FOSL2: variants seen among roughly 807,000 people sequenced by gnomAD.
FOSL2 encodes the protein FOS like 2, AP-1 transcription factor subunit.
A neutral mutation model predicts 27.7 loss-of-function variants in FOSL2; 3 were observed. That is an observed-to-expected ratio of 0.11 (90% CI 0.05 to 0.28). The LOEUF (loss-of-function observed/expected upper bound fraction) is 0.28. Among genes scored for constraint, FOSL2 ranks in the 10% least tolerant of loss-of-function variants. The probability of loss-of-function intolerance (pLI) is 1.00; values close to 1 mark genes in which losing one functional copy is unlikely to be tolerated. For synonymous variants in FOSL2, 179 were observed against 190.1 expected (o/e 0.94, Z 0.48); for missense variants, 333 against 445.1 (o/e 0.75, Z 2.27).
intron 1 of FOSL2, chr2:28,395,422 G>A (rs1250907477): frequency 6.6e-6 from 1 of 152,174 alleles, no homozygotes; most frequent in Non-Finnish European, 1.5e-5. Context: ...CTCACTGCCT[G>A]GTTTAGCATA....
rs1207121979 is a variant in FOSL2 at position 28,397,675 on chromosome 2, TAATACA to T, written c.102+3856_102+3861del. Among the ~76,000 whole-genome samples, 32 of 152,342 alleles carry T rather than the reference TAATACA, an allele frequency of 2.1e-4. No homozygotes were observed. In the East Asian group the frequency reaches 5.8e-3, roughly 27 times the overall value. Reference sequence around the variant, plus strand: ...GAGACTTGTTTTTTCTTCTCTATCTTAATACAAACACAGCAGAACTTATTCATCCTT... The same window carrying T: ...GAGACTTGTTTTTTCTTCTCTATCTTAACACAGCAGAACTTATTCATCCTT... On this transcript the variant is annotated intron_variant, in intron 1 of 3. Coordinates refer to ENST00000264716, the MANE Select transcript of FOSL2 (RefSeq NM_005253.4).
intron 2 of FOSL2, among the ~76,000 whole-genome samples, chr2:28,407,798 A>T (rs757773617): frequency 2.0e-5 from 3 of 152,146 alleles, no homozygotes; most frequent in Non-Finnish European, 4.4e-5. Flanking sequence ...TGCCTGAGAG[A>T]GGCATTGGGG....
chr2:28,396,803 C>CACACACACACACACACACACAA (rs1558564578), intron 1 of FOSL2: 13 of 147,368 alleles, frequency 8.8e-5, no homozygotes, highest in African/African-American at 3.0e-4. Flanking sequence ...CACACACACA[C>CACACACACACACACACACACAA]ACACACACAC....
At chr2:28,405,761 T>G (rs1413798191) in intron 2 of FOSL2, among the ~76,000 whole-genome samples, 1 of 152,204 alleles carries the variant, frequency 6.6e-6, no homozygotes, top group African/African-American at 2.4e-5. Context: ...CTATAATGGA[T>G]TCACAGCTGC....
intron 1 of FOSL2, chr2:28,396,807 C>CACACACACACACACACACAA (rs1553376542): frequency 6.0e-5 from 9 of 149,496 alleles, no homozygotes; most frequent in African/African-American, 2.3e-4. Context: ...CACACACACA[C>CACACACACACACACACACAA]ACACACACAC....
In FOSL2 at chr2:28,393,424, G is replaced by A. The variant is rs954666300; in HGVS notation, c.-297G>A. The A allele has an allele frequency of 1.9e-5, 7 of 374,076 alleles. No individual in the cohort carries two copies. The highest frequency in any genetic ancestry group is 1.1e-4 in the African/African-American group (5 of 45,958). The allele number at this position is 374,076 out of a possible 1,614,324, so 23.2% of individuals were successfully genotyped here. On this transcript the variant is annotated 5_prime_UTR_variant, in exon 1 of 4. Transcript: ENST00000264716. The surrounding 1 kb of genome is among the most constrained non-coding windows in gnomAD (Gnocchi z 4.6). Reference sequence around the variant, plus strand: ...GCGCGGGGGCGGGAGGGCGCGCGCAGGGGAGGGACCGAGAGACGCGCCGAC... The same window carrying A: ...GCGCGGGGGCGGGAGGGCGCGCGCAAGGGAGGGACCGAGAGACGCGCCGAC...
Position 28,412,678 on chromosome 2 carries a change from C to A in FOSL2, c.*230C>A. 1.8e-6 allele frequency: 1 copy of A among 543,290 alleles called. No homozygotes were observed. The highest frequency in any genetic ancestry group is 3.3e-6 in the Non-Finnish European group (1 of 304,872). The allele number at this position is 543,290 out of a possible 1,614,324, so 33.7% of individuals were successfully genotyped here. On this transcript the variant is annotated 3_prime_UTR_variant, in exon 4 of 4. Coordinates refer to ENST00000264716, the MANE Select transcript of FOSL2 (RefSeq NM_005253.4). This position sits in a 1 kb window ranked among gnomAD's most constrained non-coding sequence, Gnocchi z 7.1. The stretch of plus-strand genomic sequence containing the variant: ...TCCCTCATTCATCTTGCAAGCAAAT[C>A]CCATTTCTTGAAAAGCCTTGGAGAA...
intron 1 of FOSL2, among the ~76,000 whole-genome samples, chr2:28,403,119 T>C (rs1664008077): frequency 6.6e-6 from 1 of 152,222 alleles, no homozygotes. Flanking sequence ...GACTTGCCTC[T>C]GAAAAGCTGG....
intron 1 of FOSL2, chr2:28,397,019 G>A (rs1190466891): frequency 6.6e-6 from 1 of 152,174 alleles, no homozygotes; most frequent in Non-Finnish European, 1.5e-5. Context: ...CCCAGAGAGT[G>A]TTAAATTGGT....
chr2:28,398,686 A>G (rs1230938913), intron 1 of FOSL2, among the ~76,000 whole-genome samples: 1 of 152,230 alleles, frequency 6.6e-6, no homozygotes, highest in Non-Finnish European at 1.5e-5. Flanking sequence ...AACCCAGGAA[A>G]GCGTGGAGGC....
chr2:28,393,911 T>C lies in FOSL2; in HGVS notation c.102+89T>C. 1 of 947,794 alleles carries C rather than the reference T, an allele frequency of 1.1e-6. No homozygotes were observed. The highest frequency in any genetic ancestry group is 1.6e-6 in the Non-Finnish European group (1 of 634,198). The allele number at this position is 947,794 out of a possible 1,614,324, so 58.7% of individuals were successfully genotyped here. A position where few individuals can be genotyped will look rare whatever the true frequency, so the allele number is the denominator to read the frequency against. ...TGCCTCTTTTGCTTTCTTTTCTTTT[T>C]CTTGGCGAGAAAATACCTACGGGCC... is the stretch of plus-strand genomic sequence containing the variant. On this transcript the variant is annotated intron_variant, in intron 1 of 3. Coordinates refer to ENST00000264716, the MANE Select transcript of FOSL2 (RefSeq NM_005253.4). This position sits in a 1 kb window ranked among gnomAD's most constrained non-coding sequence, Gnocchi z 4.6.
intron 1 of FOSL2, chr2:28,395,551 T>G (rs1194282767): frequency 6.6e-6 from 1 of 152,054 alleles, no homozygotes; most frequent in Non-Finnish European, 1.5e-5. Context: ...TGGAAGAAAA[T>G]CAGACAGGAA....
rs1164659680 is a variant in FOSL2 at position 28,413,913 on chromosome 2, G to GC, written c.*1470dup. ...TTTTGCTTCCCACTGCAGGAGAGCTGCCCCCTTTCACGGGGTTGGGGAAGG... is the reference window on the plus strand; with the variant it reads ...TTTTGCTTCCCACTGCAGGAGAGCTGCCCCCCTTTCACGGGGTTGGGGAAGG... On this transcript the variant is annotated 3_prime_UTR_variant, in exon 4 of 4. Coordinates refer to ENST00000264716, the MANE Select transcript of FOSL2 (RefSeq NM_005253.4). 2.5e-6 allele frequency: 1 copy of GC among 398,242 alleles called. No homozygotes were observed. Among genetic ancestry groups the GC allele is most frequent in the East Asian group, 3.6e-5 (1 of 28,090 alleles). The allele number at this position is 398,242 out of a possible 1,614,324, so 24.7% of individuals were successfully genotyped here.
intron 2 of FOSL2, among the ~76,000 whole-genome samples, chr2:28,407,704 G>A (rs1647574385): frequency 1.3e-5 from 2 of 152,364 alleles, no homozygotes; most frequent in African/African-American, 4.8e-5. Flanking sequence ...TAGGTGTGCA[G>A]TCAACGTCTG....
At position 28,393,813 on chromosome 2, in the gene FOSL2, C is replaced by T; in HGVS notation, c.93C>T (p.Gly31=). Residue 31 remains glycine, a synonymous_variant, in exon 1 of 4, where the codon GGC becomes GGT. Coordinates refer to ENST00000264716, the MANE Select transcript of FOSL2 (RefSeq NM_005253.4). This position sits in a 1 kb window ranked among gnomAD's most constrained non-coding sequence, Gnocchi z 4.6. ...AHAESYSSGG[G]GQQKFRVDMP... is the part of the protein sequence containing the mutation. ...CCGAGTCCTACTCCAGCGGCGGCGG[C>T]GGCCAGCAGGTAGGTGCGGGCCCCG... 1 of 1,596,100 alleles carries T rather than the reference C, an allele frequency of 6.3e-7. No individual in the cohort carries two copies. The highest frequency in any genetic ancestry group is 8.5e-7 in the Non-Finnish European group (1 of 1,172,224).
Position 28,405,486 on chromosome 2 carries a change from C to T in FOSL2, c.354+1128C>T, listed in dbSNP as rs374835337. On this transcript the variant is annotated intron_variant, in intron 2 of 3. Transcript: ENST00000264716. ...TTGGAACCCTTCCTCATTTCAACCA[C>T]TGTCCATCTTCACTCTGTGATCCCC... Among the ~76,000 whole-genome samples the T allele has an allele frequency of 1.7e-4, 26 of 152,372 alleles. No homozygotes were observed. The East Asian group carries it at 3.3e-3, about 19-fold the overall frequency.
At chr2:28,402,086 C>G (rs9973435) in intron 1 of FOSL2, among the ~76,000 whole-genome samples, 5,712 of 152,184 alleles carry the variant, frequency 0.038, 351 homozygotes, top group African/African-American at 0.13. Context: ...TGCAGCTCTC[C>G]TCCCGAATCC....
chr2:28,407,650 C>G (rs1436777758), intron 2 of FOSL2, among the ~76,000 whole-genome samples: 1 of 152,212 alleles, frequency 6.6e-6, no homozygotes, highest in African/African-American at 2.4e-5. Flanking sequence ...GGTCTTATTC[C>G]CCTTGAGATC....
At position 28,412,066 on chromosome 2, in the gene FOSL2, C is replaced by G; in HGVS notation, c.599C>G (p.Ser200Trp). 6.2e-7 allele frequency: 1 copy of G among 1,607,416 alleles called. No homozygotes were observed. The highest frequency in any genetic ancestry group is 2.2e-5 in the East Asian group (1 of 44,814). ...AAGATTAGCCCCGAGGAGCGCCGAT[C>G]GCCCCCAGCCCCTGGGCTGCAGCCC... ...VCKISPEERR[S>W]PPAPGLQPMR... is the part of the protein sequence containing the mutation. Residue 200 changes from serine to tryptophan, a missense_variant, in exon 4 of 4, where the codon TCG becomes TGG. This residue lies in a region of FOSL2 where 136 missense variants were observed against 123.7 expected (regional missense o/e 1.10). Transcript: ENST00000264716. This position sits in a 1 kb window ranked among gnomAD's most constrained non-coding sequence, Gnocchi z 7.1.
Sources: gnomAD v4.1 joint callset for allele counts (sites outside exome capture counted in the v4.1 genomes callset) on GRCh38, gnomAD v4.1.1 for gene constraint, gnomAD v4.1.1 regional missense constraint, Gnocchi (gnomAD v3.1) non-coding constraint, MANE v1.5 for transcripts, NCBI Gene and HGNC (gene_info 2026-07-23, HGNC 2026-07-21) for gene names.